Variants in IGF2BP3 observed in about 807,000 individuals in gnomAD.
IGF2BP3 encodes the protein insulin like growth factor 2 mRNA binding protein 3.
IGF2BP3 carries 9 observed loss-of-function variants against 73.8 expected under a neutral mutation model. The ratio of observed to expected loss-of-function variants is 0.12; its 90% CI spans 0.07 to 0.21. IGF2BP3 has a LOEUF of 0.21. Among genes scored for constraint, IGF2BP3 ranks in the 10% least tolerant of loss-of-function variants. The probability of loss-of-function intolerance (pLI) is 1.00; values close to 1 mark genes in which losing one functional copy is unlikely to be tolerated. For missense variants in IGF2BP3, 542 were observed against 714.0 expected (o/e 0.76, Z 2.75); for synonymous variants, 258 against 256.7 (o/e 1.01, Z -0.05).
chr7:23,332,546 AG>A (rs1784469813), intron 10 of IGF2BP3, among the ~76,000 whole-genome samples: 2 of 152,370 alleles, frequency 1.3e-5, no homozygotes, highest in East Asian at 3.8e-4. Flanking sequence ...GATTTGTGTT[AG>A]GGGCCTGTCC....
chr7:23,403,083 C>G (rs966130659), intron 3 of IGF2BP3, among the ~76,000 whole-genome samples: 1 of 152,186 alleles, frequency 6.6e-6, no homozygotes, highest in Non-Finnish European at 1.5e-5. Context: ...ACAGGGGAAA[C>G]CCATTTATCT....
chr7:23,465,534 G>C (rs962695664), intron 2 of IGF2BP3, among the ~76,000 whole-genome samples: 7 of 149,758 alleles, frequency 4.7e-5, no homozygotes, highest in African/African-American at 1.7e-4. Context: ...CCCCCCCCAA[G>C]CTCCACTGGA....
intron 10 of IGF2BP3, among the ~76,000 whole-genome samples, chr7:23,337,724 G>A (rs1211340856): frequency 6.6e-6 from 1 of 152,194 alleles, no homozygotes; most frequent in Admixed American, 6.5e-5. Flanking sequence ...AGTTTGAAAT[G>A]AGGTCTCACC....
chr7:23,408,921 C>T (rs910578287), intron 3 of IGF2BP3, among the ~76,000 whole-genome samples: 15 of 152,146 alleles, frequency 9.9e-5, no homozygotes, highest in African/African-American at 2.2e-4. Context: ...CAACTATTTT[C>T]GCACCAGGGA....
intron 10 of IGF2BP3, among the ~76,000 whole-genome samples, chr7:23,325,478 G>A (rs1175603264): frequency 2.0e-5 from 3 of 152,094 alleles, no homozygotes; most frequent in Admixed American, 6.6e-5. Flanking sequence ...AATCAATATC[G>A]TGAAAATGGC....
chr7:23,424,649 G>A (rs1009732115), intron 2 of IGF2BP3, among the ~76,000 whole-genome samples: 1 of 152,016 alleles, frequency 6.6e-6, no homozygotes, highest in Non-Finnish European at 1.5e-5. Flanking sequence ...TGTAAACCCA[G>A]CACTTTGGGA....
At chr7:23,404,399 T>C (rs193242548) in intron 3 of IGF2BP3, among the ~76,000 whole-genome samples, 1 of 152,274 alleles carries the variant, frequency 6.6e-6, no homozygotes, top group Non-Finnish European at 1.5e-5. Flanking sequence ...TCTTTGTATA[T>C]ATACCTGGAC....
chr7:23,448,702 C>A lies in IGF2BP3; in HGVS notation c.236+19780G>T, dbSNP rs184076026. 7.5e-3 allele frequency among the ~76,000 whole-genome samples: 1,138 copies of A among 152,322 alleles called. 35 individuals are homozygous for A. Among genetic ancestry groups the A allele is most frequent in the Admixed American group, 0.061 (940 of 15,300 alleles). ...CTGGAGTGCAGTAACCTGATCTCAGCTCAGTGCAGCCTCCACCTCCTGGGT... is the reference window on the plus strand; with the variant it reads ...CTGGAGTGCAGTAACCTGATCTCAGATCAGTGCAGCCTCCACCTCCTGGGT... On this transcript the variant is annotated intron_variant, in intron 2 of 14. Transcript: ENST00000258729.
chr7:23,403,910 C>T (rs1442820924), intron 3 of IGF2BP3, among the ~76,000 whole-genome samples: 1 of 151,678 alleles, frequency 6.6e-6, no homozygotes, highest in African/African-American at 2.4e-5. Flanking sequence ...ATCGCTTAAG[C>T]TCAGGAGTTT....
At chr7:23,392,012 T>C (rs914589295) in intron 3 of IGF2BP3, among the ~76,000 whole-genome samples, 2 of 152,208 alleles carry the variant, frequency 1.3e-5, no homozygotes, top group African/African-American at 4.8e-5. Flanking sequence ...TTCTAGGATA[T>C]TAATGACATA....
At chr7:23,324,871 A>G (rs1255993598) in intron 10 of IGF2BP3, among the ~76,000 whole-genome samples, 1 of 134,260 alleles carries the variant, frequency 7.4e-6, no homozygotes, top group Non-Finnish European at 1.6e-5. Flanking sequence ...AAATTCAACA[A>G]CCCTTCATGC....
chr7:23,382,458 T>C lies in IGF2BP3; in HGVS notation c.286-20717A>G, dbSNP rs189350534. The stretch of plus-strand genomic sequence containing the variant: ...GTATCGTAAGAGAAATATTCTCTCA[T>C]TGTTTAACATATTTTATAGACAGAA... On this transcript the variant is annotated intron_variant, in intron 3 of 14. Coordinates refer to ENST00000258729, the MANE Select transcript of IGF2BP3 (RefSeq NM_006547.3). 2.6e-3 allele frequency among the ~76,000 whole-genome samples: 393 copies of C among 152,214 alleles called. 5 individuals carry two copies. The highest frequency in any genetic ancestry group is 0.021 in the South Asian group (101 of 4,816).
intron 5 of IGF2BP3, among the ~76,000 whole-genome samples, 168 bp from the exon 6 acceptor site, chr7:23,351,754 A>C (rs1029506079): frequency 5.3e-5 from 8 of 151,386 alleles, no homozygotes; most frequent in African/African-American, 1.9e-4. Context: ...CCCCTCTCCC[A>C]CCCCGCACCA....
chr7:23,322,670 A>G (rs1191727672), intron 10 of IGF2BP3, among the ~76,000 whole-genome samples: 1 of 152,186 alleles, frequency 6.6e-6, no homozygotes, highest in Admixed American at 6.5e-5. Flanking sequence ...GCAGCCAGAG[A>G]GAAAGGTCGG....
intron 3 of IGF2BP3, among the ~76,000 whole-genome samples, chr7:23,384,095 C>CAAAAAAAAA (rs35378177): frequency 2.6e-4 from 16 of 62,422 alleles, no homozygotes; most frequent in Non-Finnish European, 3.5e-4. Context: ...GACTCCATCT[C>CAAAAAAAAA]AAAAAAAAAA....
intron 5 of IGF2BP3, among the ~76,000 whole-genome samples, chr7:23,355,142 A>G (rs555290584): frequency 6.6e-6 from 1 of 152,178 alleles, no homozygotes; most frequent in Non-Finnish European, 1.5e-5. Flanking sequence ...TATTTGACAC[A>G]TATGTATTCA....
intron 2 of IGF2BP3, among the ~76,000 whole-genome samples, chr7:23,431,666 A>G (rs1233565803): frequency 6.6e-6 from 1 of 152,192 alleles, no homozygotes; most frequent in African/African-American, 2.4e-5. Flanking sequence ...AAGGTCCCCT[A>G]CACCGTAAAA....
intron 3 of IGF2BP3, among the ~76,000 whole-genome samples, chr7:23,389,702 T>C (rs1333190542): frequency 6.6e-6 from 1 of 151,412 alleles, no homozygotes; most frequent in Non-Finnish European, 1.5e-5. Flanking sequence ...GAGTCAAAAA[T>C]AAATGGTCAG....
intron 10 of IGF2BP3, 99 bp downstream of exon 10, chr7:23,341,965 G>C (rs1784723146): frequency 7.7e-7 from 1 of 1,297,854 alleles, no homozygotes; most frequent in South Asian, 1.7e-5. Context: ...GCAAGAACTG[G>C]AGAGCATATG....
Sources: gnomAD v4.1 joint callset for allele counts (sites outside exome capture counted in the v4.1 genomes callset) on GRCh38, gnomAD v4.1.1 for gene constraint, MANE v1.5 for transcripts, NCBI Gene and HGNC (gene_info 2026-07-23, HGNC 2026-07-21) for gene names.